OPRM1: variants seen among roughly 807,000 people sequenced by gnomAD.
The protein encoded by OPRM1 is mu-type opioid receptor.
A neutral mutation model predicts 31.8 loss-of-function variants in OPRM1; 27 were observed. The ratio of observed to expected loss-of-function variants is 0.85; its 90% CI spans 0.63 to 1.17. The LOEUF is 1.17. Among genes scored for constraint, OPRM1 ranks in the 50% most tolerant of loss-of-function variants. The pLI is 0.00. For synonymous variants in OPRM1, 196 were observed against 189.9 expected (o/e 1.03, Z -0.26); for missense variants, 536 against 511.1 (o/e 1.05, Z -0.47).
intron 1 of OPRM1, among the ~76,000 whole-genome samples, chr6:154,044,176 C>T (rs184181176): frequency 6.6e-6 from 1 of 152,096 alleles, no homozygotes; most frequent in Admixed American, 6.5e-5. Context: ...TTCTCTGCTC[C>T]TAATACCCTC....
In OPRM1 at chr6:154,121,193, A is replaced by T. The variant is rs972148083; in HGVS notation, c.*2472A>T. On this transcript the variant is annotated 3_prime_UTR_variant, in exon 4 of 4. Coordinates refer to ENST00000330432, the MANE Select transcript of OPRM1 (RefSeq NM_000914.5). ...ATTTCTTCCCAGGTTGGTATCCCAG[A>T]AATGCAGACTGTAGCTATGGGGCGG... Among the ~76,000 whole-genome samples, 8 of 152,174 alleles carry T rather than the reference A, an allele frequency of 5.3e-5. No homozygotes were observed. The highest frequency in any genetic ancestry group is 1.2e-4 in the Non-Finnish European group (8 of 68,016).
chr6:154,201,088 T>C (rs1258389656), intron 3 of OPRM1, among the ~76,000 whole-genome samples: 1 of 152,192 alleles, frequency 6.6e-6, no homozygotes, highest in African/African-American at 2.4e-5. Flanking sequence ...CCATGTAAGA[T>C]GTGCCTTGTT....
chr6:154,093,786 A>G (rs531073321), intron 3 of OPRM1, among the ~76,000 whole-genome samples: 1 of 152,218 alleles, frequency 6.6e-6, no homozygotes, highest in Non-Finnish European at 1.5e-5. Context: ...AAAAATTAAG[A>G]TAAATCAAAG....
At chr6:154,179,305 G>A (rs1407804885) in intron 3 of OPRM1, among the ~76,000 whole-genome samples, 3 of 152,088 alleles carry the variant, frequency 2.0e-5, no homozygotes, top group Non-Finnish European at 4.4e-5. Context: ...CCTCCAAGAG[G>A]CTTTTCAGTA....
At chr6:154,166,900 A>G (rs1157889937) in intron 3 of OPRM1, among the ~76,000 whole-genome samples, 1 of 152,208 alleles carries the variant, frequency 6.6e-6, no homozygotes, top group Non-Finnish European at 1.5e-5. Context: ...AAATTTTAAT[A>G]TTAAATAAGA....
At chr6:154,049,603 A>G (rs1781813478) in intron 1 of OPRM1, among the ~76,000 whole-genome samples, 2 of 152,352 alleles carry the variant, frequency 1.3e-5, no homozygotes, top group South Asian at 4.1e-4. Flanking sequence ...TCAAGGAAAT[A>G]TTTTTGAAAC....
At chr6:154,099,013 C>A (rs1366231823) in intron 3 of OPRM1, among the ~76,000 whole-genome samples, 2 of 152,098 alleles carry the variant, frequency 1.3e-5, no homozygotes, top group Non-Finnish European at 2.9e-5. Flanking sequence ...GGTGCAGTGG[C>A]TCTCATCTGT....
intron 3 of OPRM1, among the ~76,000 whole-genome samples, chr6:154,162,259 G>A (rs1217625959): frequency 1.3e-5 from 2 of 152,250 alleles, no homozygotes; most frequent in Middle Eastern, 3.4e-3. Context: ...CAGTCTCACT[G>A]GTACACATGT....
At position 154,130,449 on chromosome 6, in the gene OPRM1, T is replaced by C. The variant is rs1797833321; in HGVS notation, c.*11728T>C. 6.6e-6 allele frequency among the ~76,000 whole-genome samples: 1 copy of C among 152,156 alleles called. No individual in the cohort carries two copies. Among genetic ancestry groups the C allele is most frequent in the Non-Finnish European group, 1.5e-5 (1 of 68,032 alleles). On this transcript the variant is annotated 3_prime_UTR_variant, in exon 4 of 4. Transcript: ENST00000330432. ...TCCCAAAGTGTTGGGATTACAGGTG[T>C]GAGCCACTGCGCCTGGCCAGAAATG...
In OPRM1 at chr6:154,097,567, T is replaced by C. The variant is rs562356867; in HGVS notation, c.1164+6095T>C. Among the ~76,000 whole-genome samples the C allele has an allele frequency of 9.4e-5, 14 of 148,666 alleles. 1 individual carries two copies. Among genetic ancestry groups the C allele is most frequent in the African/African-American group, 3.5e-4 (14 of 40,020 alleles). Reference sequence around the variant, plus strand: ...AATGGCTATTCTTTCAGTTCTACAGTTTAAAAAGAAAATGGTTCCGTGTGT... The same window carrying C: ...AATGGCTATTCTTTCAGTTCTACAGCTTAAAAAGAAAATGGTTCCGTGTGT... On this transcript the variant is annotated intron_variant, in intron 3 of 3. Coordinates refer to ENST00000330432, the MANE Select transcript of OPRM1 (RefSeq NM_000914.5).
At chr6:154,141,730 C>G (rs1583650832) in intron 3 of OPRM1, among the ~76,000 whole-genome samples, 1 of 152,248 alleles carries the variant, frequency 6.6e-6, no homozygotes, top group Non-Finnish European at 1.5e-5. Flanking sequence ...AGGTGAAAGA[C>G]AAGCTGTTGC....
intron 3 of OPRM1, among the ~76,000 whole-genome samples, chr6:154,184,321 A>G (rs1193137799): frequency 6.6e-6 from 1 of 152,120 alleles, no homozygotes; most frequent in Admixed American, 6.5e-5. Context: ...CTACATTTCC[A>G]TCTTTTGGAG....
chr6:154,020,746 G>C (rs1583129752), intron 1 of OPRM1, among the ~76,000 whole-genome samples: 2 of 152,282 alleles, frequency 1.3e-5, no homozygotes, highest in South Asian at 4.1e-4. Context: ...TATGTATTTA[G>C]TGGTATCTCG....
chr6:154,067,171 T>G (rs6927269), intron 1 of OPRM1, among the ~76,000 whole-genome samples: 20,999 of 152,034 alleles, frequency 0.14, 1,561 homozygotes, highest in Non-Finnish European at 0.17. Flanking sequence ...CTATTTCATT[T>G]ATCTCTGCTC....
At chr6:154,051,350 G>A (rs1351427788) in intron 1 of OPRM1, among the ~76,000 whole-genome samples, 1 of 152,154 alleles carries the variant, frequency 6.6e-6, no homozygotes, top group African/African-American at 2.4e-5. Flanking sequence ...AAATGCACAA[G>A]TAAACTAGAC....
Position 154,242,976 on chromosome 6 carries a change from A to G in OPRM1, c.1165-3717A>G, listed in dbSNP as rs187659914. Among the ~76,000 whole-genome samples the G allele has an allele frequency of 4.6e-5, 7 of 152,340 alleles. No homozygotes were observed. In the East Asian group the frequency reaches 1.3e-3, roughly 29 times the overall value. ...AAAGGAGAAGGTACGTGCCTCTAGA[A>G]GAAGGCTATTTAAGCTAAAATTTGA... On this transcript the variant is annotated intron_variant, in intron 3 of 3. Coordinates refer to the OPRM1 transcript ENST00000337049.
intron 1 of OPRM1, among the ~76,000 whole-genome samples, chr6:154,060,351 CA>C (rs1167704541): frequency 6.6e-6 from 1 of 152,110 alleles, no homozygotes; most frequent in Non-Finnish European, 1.5e-5. Context: ...CCAAAAGAAC[CA>C]AAAGTACCCA....
intron 3 of OPRM1, among the ~76,000 whole-genome samples, chr6:154,174,212 A>G (rs1800110333): frequency 6.6e-6 from 1 of 152,242 alleles, no homozygotes; most frequent in Non-Finnish European, 1.5e-5. Context: ...CAGCCACTGC[A>G]AAAACATGCC....
intron 3 of OPRM1, among the ~76,000 whole-genome samples, chr6:154,171,461 T>G (rs906321010): frequency 1.3e-5 from 2 of 151,844 alleles, no homozygotes; most frequent in Non-Finnish European, 2.9e-5. Flanking sequence ...GCCTGGGGTC[T>G]GGGAGGGGAC....
Sources: gnomAD v4.1 joint callset for allele counts (sites outside exome capture counted in the v4.1 genomes callset) on GRCh38, gnomAD v4.1.1 for gene constraint, MANE v1.5 for transcripts, NCBI Gene and HGNC (gene_info 2026-07-23, HGNC 2026-07-21) for gene names.